DNER: variants seen among roughly 807,000 people sequenced by gnomAD.
The protein encoded by DNER is delta and Notch-like epidermal growth factor-related receptor.
A neutral mutation model predicts 78.2 loss-of-function variants in DNER; 33 were observed. The ratio of observed to expected loss-of-function variants is 0.42; its 90% CI spans 0.32 to 0.56. DNER has a LOEUF of 0.56. Among genes scored for constraint, DNER ranks in the 20% least tolerant of loss-of-function variants. The pLI is 0.11. For missense variants in DNER, 918 were observed against 975.3 expected, an observed-to-expected ratio of 0.94 and a Z score of 0.78; for synonymous variants, 417 against 384.8, an observed-to-expected ratio of 1.08 and a Z score of -0.98.
intron 1 of DNER, among the ~76,000 whole-genome samples, chr2:229,605,425 C>T (rs1158220707): frequency 6.6e-6 from 1 of 152,190 alleles, no homozygotes; most frequent in Admixed American, 6.5e-5. Flanking sequence ...TTTGAAGACA[C>T]TCTACAGTAC....
chr2:229,571,819 G>A (rs934571413), intron 4 of DNER, among the ~76,000 whole-genome samples: 1 of 151,966 alleles, frequency 6.6e-6, no homozygotes, highest in Admixed American at 6.6e-5. Flanking sequence ...CACGTCTAGA[G>A]TTGACTTTGA....
At chr2:229,381,065 G>T (rs531051990) in intron 11 of DNER, among the ~76,000 whole-genome samples, 1 of 152,212 alleles carries the variant, frequency 6.6e-6, no homozygotes, top group Non-Finnish European at 1.5e-5. Context: ...ATTTCCAACT[G>T]AGGTAGCTGG....
At chr2:229,549,120 G>A (rs1696681739) in intron 4 of DNER, among the ~76,000 whole-genome samples, 1 of 152,090 alleles carries the variant, frequency 6.6e-6, no homozygotes, top group Non-Finnish European at 1.5e-5. Flanking sequence ...TACAGTAAAA[G>A]TATACCAAGA....
At chr2:229,546,506 C>CG (rs1696628846) in intron 5 of DNER, among the ~76,000 whole-genome samples, 1 of 152,298 alleles carries the variant, frequency 6.6e-6, no homozygotes, top group South Asian at 2.1e-4. Flanking sequence ...GAGGCCAAGG[C>CG]GGGGGGATGG....
intron 1 of DNER, among the ~76,000 whole-genome samples, chr2:229,707,787 C>T (rs570509551): frequency 6.6e-6 from 1 of 152,222 alleles, no homozygotes; most frequent in Non-Finnish European, 1.5e-5. Context: ...GTCTAGACTG[C>T]CAGCTCATGC....
At chr2:229,391,298 T>C (rs1044992112) in intron 10 of DNER, among the ~76,000 whole-genome samples, 2 of 152,228 alleles carry the variant, frequency 1.3e-5, no homozygotes, top group Non-Finnish European at 2.9e-5. Flanking sequence ...TAAGAGTTCT[T>C]AGTATACAGT....
intron 5 of DNER, among the ~76,000 whole-genome samples, chr2:229,530,237 A>G (rs545733087): frequency 2.0e-5 from 3 of 152,338 alleles, no homozygotes; most frequent in Non-Finnish European, 4.4e-5. Flanking sequence ...ATATACTTCA[A>G]TGTTCCCCCA....
In DNER at chr2:229,668,516, A is replaced by ATG. The variant is rs60983481; in HGVS notation, c.276+45630_276+45631dup. On this transcript the variant is annotated intron_variant, in intron 1 of 12. Transcript: ENST00000341772. Reference sequence around the variant, plus strand: ...TATACTTACCTATATATAGGTAAGTATGTGTGTGTGTGTGTGTGTGTATAT... The same window carrying ATG: ...TATACTTACCTATATATAGGTAAGTATGTGTGTGTGTGTGTGTGTGTGTATAT... 2.5e-3 allele frequency among the ~76,000 whole-genome samples: 152 copies of ATG among 59,968 alleles called. 2 individuals are homozygous for ATG. The highest frequency in any genetic ancestry group is 9.1e-3 in the African/African-American group (101 of 11,152). The allele number at this position is 59,968 out of a possible 152,430, so 39.3% of individuals were successfully genotyped here. A position where few individuals can be genotyped will look rare whatever the true frequency, so the allele number is the denominator to read the frequency against.
intron 1 of DNER, among the ~76,000 whole-genome samples, chr2:229,600,366 A>T (rs1697805181): frequency 6.6e-6 from 1 of 152,202 alleles, no homozygotes; most frequent in South Asian, 2.1e-4. Context: ...TCCCTGATCT[A>T]GACAGTACAG....
chr2:229,639,927 C>T (rs915461966), intron 1 of DNER, among the ~76,000 whole-genome samples: 4 of 152,166 alleles, frequency 2.6e-5, no homozygotes, highest in African/African-American at 7.2e-5. Flanking sequence ...TGGCTTTGTC[C>T]TCCAAGGGAC....
At chr2:229,512,064 G>A (rs7606954) in intron 6 of DNER, among the ~76,000 whole-genome samples, 109,253 of 152,104 alleles carry the variant, frequency 0.72, 39,705 homozygotes, top group South Asian at 0.79. Context: ...ATATATATAC[G>A]ATGGAATACT....
intron 10 of DNER, among the ~76,000 whole-genome samples, chr2:229,401,122 G>A (rs918982631): frequency 7.2e-5 from 11 of 152,032 alleles, no homozygotes; most frequent in African/African-American, 2.2e-4. Flanking sequence ...AAACCCCAAT[G>A]AGCTATCATT....
intron 11 of DNER, among the ~76,000 whole-genome samples, chr2:229,369,369 A>T (rs936632609): frequency 6.6e-6 from 1 of 151,200 alleles, no homozygotes; most frequent in Non-Finnish European, 1.5e-5. Flanking sequence ...AAAGTTAAAA[A>T]AAAGTTTTAA....
intron 1 of DNER, among the ~76,000 whole-genome samples, chr2:229,613,542 T>G (rs1190744411): frequency 6.6e-6 from 1 of 152,064 alleles, no homozygotes; most frequent in Admixed American, 6.5e-5. Context: ...GTGAGACATC[T>G]AAGACTTAGA....
intron 1 of DNER, among the ~76,000 whole-genome samples, chr2:229,685,651 C>A (rs183669535): frequency 1.4e-3 from 212 of 152,292 alleles, no homozygotes; most frequent in South Asian, 1.7e-3. Flanking sequence ...TCTTCCATTT[C>A]AGTGGTTGCA....
At chr2:229,640,892 TAGGTGCAGC>T (rs1158418866) in intron 1 of DNER, among the ~76,000 whole-genome samples, 3 of 151,936 alleles carry the variant, frequency 2.0e-5, no homozygotes, top group African/African-American at 7.3e-5. Context: ...TTCGGCTGAG[TAGGTGCAGC>T]AGAATGTCCA....
intron 4 of DNER, among the ~76,000 whole-genome samples, chr2:229,561,524 A>G (rs996823334): frequency 6.6e-6 from 1 of 152,200 alleles, no homozygotes; most frequent in Non-Finnish European, 1.5e-5. Flanking sequence ...AATTTATTTA[A>G]TATCAAAATA....
At chr2:229,688,731 A>T (rs1699524217) in intron 1 of DNER, among the ~76,000 whole-genome samples, 1 of 152,346 alleles carries the variant, frequency 6.6e-6, no homozygotes, top group South Asian at 2.1e-4. Context: ...TCATGGTAGC[A>T]AAGACATGGA....
At chr2:229,675,710 GCT>G (rs1177407599) in intron 1 of DNER, among the ~76,000 whole-genome samples, 1 of 152,190 alleles carries the variant, frequency 6.6e-6, no homozygotes, top group Non-Finnish European at 1.5e-5. Context: ...TCTGGCCAGT[GCT>G]CTGTCTGCAT....
Sources: gnomAD v4.1 joint callset for allele counts (sites outside exome capture counted in the v4.1 genomes callset) on GRCh38, gnomAD v4.1.1 for gene constraint, MANE v1.5 for transcripts, NCBI Gene and HGNC (gene_info 2026-07-23, HGNC 2026-07-21) for gene names.